The following ARHGEF10L variants were observed in gnomAD, a reference collection of about 807,000 sequenced individuals.
ARHGEF10L encodes Rho guanine nucleotide exchange factor 10 like, also known as rho guanine nucleotide exchange factor 10-like protein.
Under a neutral mutation model 141.2 loss-of-function variants are expected in ARHGEF10L, and 69 were observed. The observed-to-expected ratio is 0.49, with a 90% confidence interval of 0.40 to 0.60. The LOEUF (loss-of-function observed/expected upper bound fraction) is 0.60, where lower values mean the gene tolerates loss of function less well. ARHGEF10L is among the 20% of genes least tolerant of loss of function. The probability of loss-of-function intolerance (pLI) is 0.00; values close to 1 mark genes in which losing one functional copy is unlikely to be tolerated. For missense variants in ARHGEF10L, 1,482 were observed against 1,734.3 expected, an observed-to-expected ratio of 0.85 and a Z score of 2.58; for synonymous variants, 711 against 718.5, an observed-to-expected ratio of 0.99 and a Z score of 0.17.
chr1:17,640,357 G>A (rs2061260805), intron 21 of ARHGEF10L, 55 bp downstream of exon 21: 1 of 1,499,706 alleles, frequency 6.7e-7, no homozygotes, highest in Non-Finnish European at 9.1e-7. Flanking sequence ...GAACGGGGAG[G>A]TTTGGGGTGA....
intron 19 of ARHGEF10L, 43 bp from the exon 20 acceptor site, chr1:17,638,519 C>A: frequency 6.2e-7 from 1 of 1,611,592 alleles, no homozygotes; most frequent in Non-Finnish European, 8.5e-7. Flanking sequence ...TTTTGGGGAG[C>A]CAGTGTGCTG....
At chr1:17,583,561 A>G (rs976455383) in intron 2 of ARHGEF10L, among the ~76,000 whole-genome samples, 1 of 152,110 alleles carries the variant, frequency 6.6e-6, no homozygotes, top group Non-Finnish European at 1.5e-5. Flanking sequence ...CATTTTAGAG[A>G]TCAGGAAACT....
At chr1:17,543,642 AGTTT>A (rs1230764506) in intron 1 of ARHGEF10L, among the ~76,000 whole-genome samples, 6 of 151,678 alleles carry the variant, frequency 4.0e-5, no homozygotes, top group Admixed American at 2.6e-4. Flanking sequence ...ATATATATAT[AGTTT>A]GTTTGTTTGT....
In ARHGEF10L at chr1:17,665,566, C is replaced by T. The variant is rs144305221; in HGVS notation, c.3009+971C>T. Among the ~76,000 whole-genome samples, 991 of 152,218 alleles carry T rather than the reference C, an allele frequency of 6.5e-3. 14 individuals carry two copies. Among genetic ancestry groups the T allele is most frequent in the African/African-American group, 0.023 (969 of 41,522 alleles). ...AGCACAGAGGTGTTGTCGTTGGAGC[C>T]GGACCTACCAGACCGTCTTTCAGTT... On this transcript the variant is annotated intron_variant, in intron 26 of 28. Coordinates refer to ENST00000361221, the MANE Select transcript of ARHGEF10L (RefSeq NM_018125.4).
intron 22 of ARHGEF10L, among the ~76,000 whole-genome samples, chr1:17,652,299 C>T (rs1415734104): frequency 6.6e-6 from 1 of 152,130 alleles, no homozygotes; most frequent in Non-Finnish European, 1.5e-5. Flanking sequence ...CCACGCTGGG[C>T]CACACCAAGG....
intron 1 of ARHGEF10L, among the ~76,000 whole-genome samples, chr1:17,562,962 C>A (rs2077601346): frequency 6.6e-6 from 1 of 152,090 alleles, no homozygotes; most frequent in Admixed American, 6.5e-5. Flanking sequence ...GCAAGAGGGG[C>A]CCTGGGATAG....
chr1:17,612,504 G>A (rs893826713), intron 7 of ARHGEF10L, among the ~76,000 whole-genome samples: 2 of 151,986 alleles, frequency 1.3e-5, no homozygotes, highest in African/African-American at 2.4e-5. Flanking sequence ...GAGCCTGTTC[G>A]TCTACCCATC....
intron 4 of ARHGEF10L, among the ~76,000 whole-genome samples, chr1:17,591,908 C>G (rs2079577926): frequency 6.6e-6 from 1 of 152,156 alleles, no homozygotes; most frequent in Non-Finnish European, 1.5e-5. Flanking sequence ...TTGAATATGC[C>G]CATTTTGCAG....
chr1:17,516,396 C>T, the ARHGEF10L span, among the ~76,000 whole-genome samples: 1 of 152,246 alleles, frequency 6.6e-6, no homozygotes, highest in Non-Finnish European at 1.5e-5. Flanking sequence ...GAGAAGATCC[C>T]TCCCCTCTAC....
chr1:17,654,731 C>T lies in ARHGEF10L; in HGVS notation c.2481+9C>T, dbSNP rs781697942. The T allele has an allele frequency of 2.5e-6, 4 of 1,611,454 alleles. No individual in the cohort carries two copies. Among genetic ancestry groups the T allele is most frequent in the South Asian group, 1.1e-5 (1 of 91,054 alleles). On this transcript the variant is annotated intron_variant, in intron 23 of 28. Coordinates refer to ENST00000361221, the MANE Select transcript of ARHGEF10L (RefSeq NM_018125.4). This position sits in a 1 kb window ranked among gnomAD's most constrained non-coding sequence, Gnocchi z 4.3. ...CACAGGGCTACCTCTGGGTGAGTCA[C>T]CCCCCTGCCCAGCTGGGCATTCTGG... is the stretch of plus-strand genomic sequence containing the variant.
intron 28 of ARHGEF10L, 86 bp from the exon 29 acceptor site, chr1:17,696,762 G>A: frequency 7.3e-7 from 1 of 1,376,496 alleles, no homozygotes; most frequent in South Asian, 1.6e-5. Flanking sequence ...TACCCACCCA[G>A]AATGTTCTCC....
intron 2 of ARHGEF10L, among the ~76,000 whole-genome samples, chr1:17,584,474 A>G (rs1011769976): frequency 6.6e-6 from 1 of 152,128 alleles, no homozygotes; most frequent in African/African-American, 2.4e-5. Flanking sequence ...AACAGACAAA[A>G]ATACCTGCCC....
intron 27 of ARHGEF10L, among the ~76,000 whole-genome samples, chr1:17,692,248 C>CT (rs891536361): frequency 4.2e-4 from 63 of 151,416 alleles, no homozygotes; most frequent in African/African-American, 1.2e-3. Flanking sequence ...CACTAGTGGG[C>CT]TTTTTTTTTC....
At chr1:17,601,103 T>G (rs1394282842) in intron 4 of ARHGEF10L, among the ~76,000 whole-genome samples, 2 of 141,728 alleles carry the variant, frequency 1.4e-5, no homozygotes, top group African/African-American at 5.3e-5. Context: ...ACAAAAAGAG[T>G]CTTGAGGAGT....
chr1:17,639,913 C>T lies in ARHGEF10L; in HGVS notation c.2172-289C>T. The T allele has an allele frequency of 6.9e-7, 1 of 1,449,544 alleles. No homozygotes were observed. The highest frequency in any genetic ancestry group is 1.2e-5 in the South Asian group (1 of 82,426). The allele number at this position is 1,449,544 out of a possible 1,614,324, so 89.8% of individuals were successfully genotyped here. A position where few individuals can be genotyped will look rare whatever the true frequency, so the allele number is the denominator to read the frequency against. ...CAGGTGGAGTCACAGCCTGCAGAGG[C>T]TCTGCCGGGCACAAAGCCAGAGGCT... On this transcript the variant is annotated intron_variant, in intron 20 of 28. Coordinates refer to ENST00000361221, the MANE Select transcript of ARHGEF10L (RefSeq NM_018125.4). The surrounding 1 kb of genome is among the most constrained non-coding windows in gnomAD (Gnocchi z 4.3).
chr1:17,608,417 C>T (rs933449610), intron 7 of ARHGEF10L, among the ~76,000 whole-genome samples: 34 of 152,230 alleles, frequency 2.2e-4, no homozygotes, highest in African/African-American at 7.5e-4. Flanking sequence ...CCTCAGCCCG[C>T]GCAGTCCTCT....
the ARHGEF10L span, among the ~76,000 whole-genome samples, chr1:17,528,288 T>C: frequency 1.3e-5 from 2 of 152,006 alleles, no homozygotes; most frequent in South Asian, 2.1e-4. Flanking sequence ...AGTGGCATGA[T>C]CACAGCTCAC....
intron 25 of ARHGEF10L, among the ~76,000 whole-genome samples, chr1:17,663,172 CA>C (rs1174901885): frequency 6.6e-6 from 1 of 152,178 alleles, no homozygotes; most frequent in African/African-American, 2.4e-5. Context: ...CTGATCATCC[CA>C]GGGGAGGGGA....
chr1:17,543,881 C>T (rs2076821116), intron 1 of ARHGEF10L, among the ~76,000 whole-genome samples: 1 of 151,752 alleles, frequency 6.6e-6, no homozygotes, highest in Non-Finnish European at 1.5e-5. Context: ...CTCCTGACCT[C>T]AGGTGATCCA....
Sources: gnomAD v4.1 joint callset for allele counts (sites outside exome capture counted in the v4.1 genomes callset) on GRCh38, gnomAD v4.1.1 for gene constraint, Gnocchi (gnomAD v3.1) non-coding constraint, MANE v1.5 for transcripts, NCBI Gene and HGNC (gene_info 2026-07-23, HGNC 2026-07-21) for gene names.